RARA: variants seen among roughly 807,000 people sequenced by gnomAD.
RARA encodes retinoic acid receptor alpha.
A neutral mutation model predicts 42.8 loss-of-function variants in RARA; 5 were observed. That is an observed-to-expected ratio of 0.12 (90% CI 0.06 to 0.25). The LOEUF (loss-of-function observed/expected upper bound fraction) is 0.25. Ranked by LOEUF, RARA falls within the 10% of genes least tolerant of loss-of-function variation. RARA has a pLI of 1.00. For synonymous variants in RARA, 256 were observed against 259.5 expected (o/e 0.99, Z 0.13); for missense variants, 402 against 628.7 (o/e 0.64, Z 3.86).
At chr17:40,335,096 A>C (rs2033806719) in intron 2 of RARA, among the ~76,000 whole-genome samples, 2 of 151,868 alleles carry the variant, frequency 1.3e-5, no homozygotes, top group African/African-American at 4.8e-5. Context: ...TGTGTTGGGA[A>C]GGGGATTAAT....
At position 40,356,825 on chromosome 17, in the gene RARA, T is replaced by C. The variant is rs542645312; in HGVS notation, c.*599T>C. On this transcript the variant is annotated 3_prime_UTR_variant, in exon 9 of 9. Transcript: ENST00000254066. ...ATACTGAAGGAATTTGTGCTGTGTA[T>C]TGGGGGGAGCTGGATCCAGAGCTGG... 1.7e-5 allele frequency: 7 copies of C among 413,280 alleles called. No individual in the cohort carries two copies. The highest frequency in any genetic ancestry group is 1.5e-4 in the African/African-American group (7 of 47,826). The allele number at this position is 413,280 out of a possible 1,614,324, so 25.6% of individuals were successfully genotyped here. A position where few individuals can be genotyped will look rare whatever the true frequency, so the allele number is the denominator to read the frequency against.
rs1359512583 is a variant in RARA, at chr17:40,345,571, G to GGGCACCC, written c.179-2745_179-2744insGGCACCC. 6.4e-3 allele frequency among the ~76,000 whole-genome samples: 972 copies of GGGCACCC among 152,370 alleles called. 9 individuals carry two copies. The highest frequency in any genetic ancestry group is 0.02 in the Middle Eastern group (6 of 294). On this transcript the variant is annotated intron_variant, in intron 2 of 8. Transcript: ENST00000254066. This position sits in a 1 kb window ranked among gnomAD's most constrained non-coding sequence, Gnocchi z 4.8. ...AGCGAGGGAGGGGCACCCTGGCAGC[G>GGGCACCC]TCGGCGGGAGGGGACGCCTGGCTTC...
intron 2 of RARA, among the ~76,000 whole-genome samples, chr17:40,337,527 G>A (rs904591305): frequency 6.6e-5 from 10 of 151,990 alleles, no homozygotes; most frequent in Non-Finnish European, 1.2e-4. Context: ...TCTGCCCGCT[G>A]TAGCCCACGG....
chr17:40,351,468 C>A lies in RARA; in HGVS notation c.470-442C>A, dbSNP rs1598583554. 2.1e-6 allele frequency: 1 copy of A among 472,730 alleles called. No individual in the cohort carries two copies. The highest frequency in any genetic ancestry group is 4.4e-6 in the Non-Finnish European group (1 of 228,334). The allele number at this position is 472,730 out of a possible 1,614,324, so 29.3% of individuals were successfully genotyped here. On this transcript the variant is annotated intron_variant, in intron 4 of 8. Transcript: ENST00000254066. This position sits in a 1 kb window ranked among gnomAD's most constrained non-coding sequence, Gnocchi z 4.1. ...GCTGGGGAGCCCTACTCCCCACTTG[C>A]CCCAGGAGCTGCTCAGAGCCAGTCC...
chr17:40,348,222 G>A (rs1262239178), intron 2 of RARA, 94 bp from the exon 3 acceptor site: 8 of 1,401,990 alleles, frequency 5.7e-6, no homozygotes, highest in Non-Finnish European at 7.6e-6. Context: ...GAGGCTGGGA[G>A]AGGCTCTTAG....
At chr17:40,319,825 G>T (rs577107780) in intron 1 of RARA, among the ~76,000 whole-genome samples, 3 of 152,084 alleles carry the variant, frequency 2.0e-5, no homozygotes, top group African/African-American at 4.8e-5. Flanking sequence ...GAGGGGGCCG[G>T]GGGGGGCGGG....
chr17:40,324,759 C>G (rs997408981), intron 1 of RARA, among the ~76,000 whole-genome samples: 13 of 152,202 alleles, frequency 8.5e-5, no homozygotes, highest in African/African-American at 3.1e-4. Flanking sequence ...AAGTGAGACA[C>G]TAGGCTTCCT....
chr17:40,353,239 C>A, intron 6 of RARA, among the ~76,000 whole-genome samples: 1 of 151,362 alleles, frequency 6.6e-6, no homozygotes, highest in South Asian at 2.1e-4. Flanking sequence ...AGGGGACTGC[C>A]GGGCACTCGG....
chr17:40,355,399 C>T lies in RARA; in HGVS notation c.1149C>T (p.Asp383=). ...CCAAGATGCTAATGAAGATTACTGA[C>T]CTGCGAAGCATCAGCGCCAAGGGTG... ...MFPKMLMKIT[D]LRSISAKGAE... is the part of the protein sequence containing the mutation. The change falls in exon 8 of 9, where the codon GAC becomes GAT. Residue 383 remains aspartate (D), a synonymous_variant. Coordinates refer to ENST00000254066, the MANE Select transcript of RARA (RefSeq NM_000964.4). The surrounding 1 kb of genome is among the most constrained non-coding windows in gnomAD (Gnocchi z 4.1). 1 of 1,613,982 alleles carries T rather than the reference C, an allele frequency of 6.2e-7. No individual in the cohort carries two copies. The highest frequency in any genetic ancestry group is 1.1e-5 in the South Asian group (1 of 91,070).
chr17:40,342,425 C>T, intron 2 of RARA: 8 of 1,186,808 alleles, frequency 6.7e-6, no homozygotes, highest in Non-Finnish European at 8.4e-6. Context: ...GAGGTGAAGC[C>T]GCTGAGTTCC....
Position 40,351,944 on chromosome 17 carries a change from G to A in RARA, c.504G>A (p.Glu168=). The A allele has an allele frequency of 6.2e-7, 1 of 1,612,450 alleles. No individual in the cohort carries two copies. Among genetic ancestry groups the A allele is most frequent in the Non-Finnish European group, 8.5e-7 (1 of 1,179,456 alleles). The change falls in exon 5 of 9, where the codon GAG becomes GAA. Residue 168 remains glutamate (E), a synonymous_variant. Coordinates refer to ENST00000254066, the MANE Select transcript of RARA (RefSeq NM_000964.4). This position sits in a 1 kb window ranked among gnomAD's most constrained non-coding sequence, Gnocchi z 4.1. ...ACGACCGAAACAAGAAGAAGAAGGA[G>A]GTGCCCAAGCCCGAGTGCTCTGAGA... ...VRNDRNKKKK[E]VPKPECSESY...
chr17:40,355,473 C>T lies in RARA; in HGVS notation c.1171+52C>T. ...CCGGCCCCCGACACCTGGCCCAGGC[C>T]CCCACATCCAAGCCAGCACCCCATG... On this transcript the variant is annotated intron_variant, in intron 8 of 8. Coordinates refer to ENST00000254066, the MANE Select transcript of RARA (RefSeq NM_000964.4). The surrounding 1 kb of genome is among the most constrained non-coding windows in gnomAD (Gnocchi z 4.1). The T allele has an allele frequency of 6.4e-7, 1 of 1,559,330 alleles. No homozygotes were observed. Among genetic ancestry groups the T allele is most frequent in the South Asian group, 1.2e-5 (1 of 83,658 alleles).
At chr17:40,323,288 T>TC (rs1279783943) in intron 1 of RARA, 2 of 152,608 alleles carry the variant, frequency 1.3e-5, no homozygotes, top group Admixed American at 1.3e-4. Flanking sequence ...GCAGCCCTTG[T>TC]CCCCTCTGGC....
chr17:40,310,296 G>A (rs2033070960), intron 1 of RARA, among the ~76,000 whole-genome samples: 1 of 152,102 alleles, frequency 6.6e-6, no homozygotes, highest in African/African-American at 2.4e-5. Context: ...TGAAGATCTA[G>A]GGCGTGTCAT....
In RARA at chr17:40,351,791, G is replaced by A; in HGVS notation, c.470-119G>A. ...GCCTGCCCGTGAACGCGTGCTGTGT[G>A]CGCGTGCTTACAAGCCTGGGTGACC... On this transcript the variant is annotated intron_variant, in intron 4 of 8. Transcript: ENST00000254066. The surrounding 1 kb of genome is among the most constrained non-coding windows in gnomAD (Gnocchi z 4.1). 3.7e-6 allele frequency: 5 copies of A among 1,335,508 alleles called. No individual in the cohort carries two copies. Among genetic ancestry groups the A allele is most frequent in the Non-Finnish European group, 5.1e-6 (5 of 981,746 alleles). 82.7% of individuals were successfully genotyped at this position (1,335,508 alleles called of 1,614,324 possible).
In RARA at chr17:40,330,934, C is replaced by T. The variant is rs1357734226; in HGVS notation, c.-285C>T. The T allele has an allele frequency of 2.1e-5, 8 of 379,268 alleles. No homozygotes were observed. Among genetic ancestry groups the T allele is most frequent in the South Asian group, 7.0e-5 (1 of 14,198 alleles). The allele number at this position is 379,268 out of a possible 1,614,324, so 23.5% of individuals were successfully genotyped here. On this transcript the variant is annotated 5_prime_UTR_variant, in exon 2 of 9. Transcript: ENST00000254066. Reference sequence around the variant, plus strand: ...GCATCTTTTTTGGTGCCCTGAAGGCCAGCTCTGGACCTTCCCAGGAAAAGT... The same window carrying T: ...GCATCTTTTTTGGTGCCCTGAAGGCTAGCTCTGGACCTTCCCAGGAAAAGT...
chr17:40,329,590 G>GA (rs1285986486), intron 1 of RARA, among the ~76,000 whole-genome samples: 2 of 152,308 alleles, frequency 1.3e-5, no homozygotes, highest in East Asian at 3.9e-4. Context: ...AAAGTGCTGG[G>GA]ATTATAGGTG....
chr17:40,321,017 C>T (rs968300758), intron 1 of RARA, among the ~76,000 whole-genome samples: 1 of 152,134 alleles, frequency 6.6e-6, no homozygotes, highest in Admixed American at 6.5e-5. Context: ...TGAACATTCT[C>T]TCTGACGCCT....
In RARA at chr17:40,352,197, C is replaced by T; in HGVS notation, c.630+127C>T. On this transcript the variant is annotated intron_variant, in intron 5 of 8. Transcript: ENST00000254066. This position sits in a 1 kb window ranked among gnomAD's most constrained non-coding sequence, Gnocchi z 4.9. ...CGTCCTTCCCTTCCCCTCTCTTCTC[C>T]CTCCTCCTGCTGCCTCTTCCCAAGG... 1 of 1,494,038 alleles carries T rather than the reference C, an allele frequency of 6.7e-7. No individual in the cohort carries two copies. The highest frequency in any genetic ancestry group is 8.9e-7 in the Non-Finnish European group (1 of 1,128,348). The allele number at this position is 1,494,038 out of a possible 1,614,324, so 92.5% of individuals were successfully genotyped here.
Sources: gnomAD v4.1 joint callset for allele counts (sites outside exome capture counted in the v4.1 genomes callset) on GRCh38, gnomAD v4.1.1 for gene constraint, Gnocchi (gnomAD v3.1) non-coding constraint, MANE v1.5 for transcripts, NCBI Gene and HGNC (gene_info 2026-07-23, HGNC 2026-07-21) for gene names.